Variants in CSMD2 observed in about 807,000 individuals in gnomAD.
CSMD2 encodes CUB and Sushi multiple domains 2, also known as CUB and sushi domain-containing protein 2.
CSMD2 carries 130 observed loss-of-function variants against 398.5 expected under a neutral mutation model. The observed-to-expected ratio is 0.33, with a 90% CI of 0.28 to 0.38. The LOEUF is 0.38. CSMD2 is among the 10% of genes least tolerant of loss of function. CSMD2 has a pLI of 1.00. For synonymous variants in CSMD2, 1,828 were observed against 1,908.5 expected (o/e 0.96, Z 1.10); for missense variants, 3,829 against 4,764.9 (o/e 0.80, Z 5.78).
At chr1:33,719,585 C>A (rs1478813232) in intron 19 of CSMD2, among the ~76,000 whole-genome samples, 1 of 152,110 alleles carries the variant, frequency 6.6e-6, no homozygotes, top group Non-Finnish European at 1.5e-5. Flanking sequence ...CTTGACTGAA[C>A]CAAGCAAAAT....
chr1:33,932,697 A>G (rs1221750366), intron 4 of CSMD2, among the ~76,000 whole-genome samples: 1 of 152,192 alleles, frequency 6.6e-6, no homozygotes, highest in Non-Finnish European at 1.5e-5. Context: ...CTCATCACTT[A>G]TCTCTGGCTG....
intron 5 of CSMD2, among the ~76,000 whole-genome samples, chr1:33,874,531 T>A (rs534071302): frequency 6.6e-6 from 1 of 152,196 alleles, no homozygotes; most frequent in Admixed American, 6.5e-5. Context: ...GGAAGGGACA[T>A]GTATTTTGCA....
intron 3 of CSMD2, among the ~76,000 whole-genome samples, chr1:33,995,448 T>G (rs1180389682): frequency 6.6e-6 from 1 of 152,164 alleles, no homozygotes; most frequent in African/African-American, 2.4e-5. Flanking sequence ...GGACCTTGTC[T>G]TTTTGGACTC....
At chr1:34,036,599 G>A (rs1651156388) in intron 2 of CSMD2, among the ~76,000 whole-genome samples, 1 of 152,168 alleles carries the variant, frequency 6.6e-6, no homozygotes, top group South Asian at 2.1e-4. Context: ...TGTCTTGATT[G>A]CAGTGATGGT....
intron 25 of CSMD2, among the ~76,000 whole-genome samples, chr1:33,670,081 C>A (rs1644442661): frequency 6.6e-6 from 1 of 152,186 alleles, no homozygotes; most frequent in Admixed American, 6.5e-5. Flanking sequence ...CTAGTAAATT[C>A]TTCTACCCCC....
At chr1:33,998,558 G>A (rs1646799408) in intron 3 of CSMD2, among the ~76,000 whole-genome samples, 1 of 152,200 alleles carries the variant, frequency 6.6e-6, no homozygotes, top group South Asian at 2.1e-4. Flanking sequence ...ACGCAACGCT[G>A]CTCAGACTGC....
At chr1:34,048,904 G>A (rs1191392809) in intron 2 of CSMD2, among the ~76,000 whole-genome samples, 1 of 152,144 alleles carries the variant, frequency 6.6e-6, no homozygotes, top group Non-Finnish European at 1.5e-5. Context: ...TTGGAAGGGA[G>A]GGTCAGGCAC....
intron 5 of CSMD2, among the ~76,000 whole-genome samples, chr1:33,888,204 T>TCAGTGAAATTTCAACGAAAGTCA (rs1641728907): frequency 1.3e-5 from 2 of 152,154 alleles, no homozygotes; most frequent in South Asian, 2.1e-4. Context: ...ATCTACAAAT[T>TCAGTGAAATTTCAACGAAAGTCA]CAGTGAAATT....
intron 5 of CSMD2, among the ~76,000 whole-genome samples, chr1:33,906,091 C>CGGT (rs755446267): frequency 3.9e-5 from 6 of 152,150 alleles, no homozygotes; most frequent in Non-Finnish European, 8.8e-5. Flanking sequence ...CCTGGGTACC[C>CGGT]ACATGTGTGA....
At chr1:33,891,733 G>A (rs1167609451) in intron 5 of CSMD2, among the ~76,000 whole-genome samples, 5 of 151,786 alleles carry the variant, frequency 3.3e-5, no homozygotes, top group Non-Finnish European at 7.4e-5. Flanking sequence ...AAAATGAAGA[G>A]TTCATGTCCT....
intron 5 of CSMD2, among the ~76,000 whole-genome samples, chr1:33,847,334 C>A (rs145197963): frequency 2.0e-5 from 3 of 151,656 alleles, no homozygotes; most frequent in African/African-American, 7.3e-5. Flanking sequence ...AATATATTCA[C>A]CTGTAACGCT....
chr1:33,797,876 G>A (rs950985950), intron 10 of CSMD2, among the ~76,000 whole-genome samples: 6 of 152,130 alleles, frequency 3.9e-5, no homozygotes, highest in Non-Finnish European at 5.9e-5. Flanking sequence ...TGATTATTAC[G>A]CCTATAATGG....
intron 29 of CSMD2, among the ~76,000 whole-genome samples, chr1:33,640,010 T>A (rs1052581443): frequency 6.6e-6 from 1 of 152,084 alleles, no homozygotes; most frequent in Non-Finnish European, 1.5e-5. Context: ...TATTTAGAGG[T>A]AGAATTAAGA....
chr1:33,983,291 T>C (rs1646235655), intron 3 of CSMD2, among the ~76,000 whole-genome samples: 1 of 152,230 alleles, frequency 6.6e-6, no homozygotes, highest in Non-Finnish European at 1.5e-5. Context: ...TATGGCCTCA[T>C]GCTCAAGGAT....
intron 2 of CSMD2, among the ~76,000 whole-genome samples, chr1:34,068,841 TC>T (rs1161279565): frequency 2.6e-5 from 4 of 152,134 alleles, no homozygotes; most frequent in Non-Finnish European, 4.4e-5. Context: ...AAAGGGGAGT[TC>T]CCTTGCACAA....
intron 9 of CSMD2, among the ~76,000 whole-genome samples, chr1:33,817,639 T>C (rs1488600986): frequency 6.6e-6 from 1 of 152,204 alleles, no homozygotes; most frequent in Admixed American, 6.5e-5. Context: ...GCCCAGCAGG[T>C]TAAGCTGAAT....
intron 11 of CSMD2, among the ~76,000 whole-genome samples, chr1:33,790,679 CTATCTAT>C (rs1654143158): frequency 1.3e-5 from 2 of 150,692 alleles, no homozygotes; most frequent in Admixed American, 6.6e-5. Flanking sequence ...ATCTATCTAT[CTATCTAT>C]CTATCTATCT....
chr1:33,725,476 C>T lies in CSMD2; in HGVS notation c.2568G>A (p.Ala856=), dbSNP rs1402753175. ...TCCCGTGGTAAACCCCGATCAAGGGCGCTGAGTAAGTCCGCCCATCGCGTA... is the reference window on the plus strand; with the variant it reads ...TCCCGTGGTAAACCCCGATCAAGGGTGCTGAGTAAGTCCGCCCATCGCGTA... ...LEVRDGRTYS[A]PLIGVYHGTQ... The change falls in exon 17 of 71, where the codon GCG becomes GCA. Residue 856 remains alanine (A), a synonymous_variant. Transcript: ENST00000373381. The T allele has an allele frequency of 5.0e-6, 8 of 1,614,216 alleles. No individual in the cohort carries two copies. The highest frequency in any genetic ancestry group is 1.7e-5 in the Admixed American group (1 of 60,024).
chr1:34,144,708 A>C (rs560756034), intron 1 of CSMD2, among the ~76,000 whole-genome samples: 3 of 152,314 alleles, frequency 2.0e-5, no homozygotes, highest in African/African-American at 7.2e-5. Context: ...TAGGCAGTTC[A>C]TTCCAAACTT....
Sources: allele counts gnomAD v4.1 joint callset (sites outside exome capture counted in the v4.1 genomes callset), GRCh38; gene constraint gnomAD v4.1.1; transcripts MANE v1.5; gene names NCBI Gene and HGNC (gene_info 2026-07-23, HGNC 2026-07-21).